AP1AR: variants seen among roughly 807,000 people sequenced by gnomAD.
The protein encoded by AP1AR is AP-1 complex-associated regulatory protein.
Under a neutral mutation model 46.3 loss-of-function variants are expected in AP1AR, and 29 were observed. The observed-to-expected ratio is 0.63, with a 90% CI of 0.47 to 0.85. AP1AR has a LOEUF of 0.85. Ranked by LOEUF, AP1AR falls within the 40% of genes least tolerant of loss-of-function variation. AP1AR has a pLI of 0.00. For synonymous variants in AP1AR, 122 were observed against 122.9 expected, an observed-to-expected ratio of 0.99 and a Z score of 0.05; for missense variants, 357 against 356.3, an observed-to-expected ratio of 1.00 and a Z score of -0.02.
intron 1 of AP1AR, among the ~76,000 whole-genome samples, chr4:112,233,407 A>G (rs1051280700): frequency 1.3e-5 from 2 of 152,270 alleles, no homozygotes; most frequent in East Asian, 1.9e-4. Context: ...TGAGTGGGAC[A>G]TGACAGTTGT....
At chr4:112,260,547 T>C (rs1386399942) in intron 4 of AP1AR, among the ~76,000 whole-genome samples, 1 of 152,244 alleles carries the variant, frequency 6.6e-6, no homozygotes, top group Non-Finnish European at 1.5e-5. Context: ...TTAAAAACTA[T>C]TCTGATATTG....
At chr4:112,266,522 A>C (rs1726714115) in intron 8 of AP1AR, 66 bp from the exon 9 acceptor site, 5 of 1,478,284 alleles carry the variant, frequency 3.4e-6, no homozygotes, top group Non-Finnish European at 4.6e-6. Context: ...ATTGTTACAA[A>C]ATAAAACGGC....
At position 112,231,829 on chromosome 4, in the gene AP1AR, A is replaced by C. The variant is rs957979454; in HGVS notation, c.-263A>C. 1 of 361,046 alleles carries C rather than the reference A, an allele frequency of 2.8e-6. No individual in the cohort carries two copies. Among genetic ancestry groups the C allele is most frequent in the Non-Finnish European group, 4.9e-6 (1 of 202,370 alleles). 22.4% of individuals were successfully genotyped at this position (361,046 alleles called of 1,614,324 possible). On this transcript the variant is annotated 5_prime_UTR_variant, in exon 1 of 10. Transcript: ENST00000274000. ...AGCTGAGGCGAGAAGGGCCATGCGG[A>C]CGGCGAGGGAGTCCAGAGCCTTGAG...
chr4:112,266,464 A>C (rs1726711286), intron 8 of AP1AR, 124 bp from the exon 9 acceptor site: 1 of 981,484 alleles, frequency 1.0e-6, no homozygotes, highest in Non-Finnish European at 1.5e-6. Flanking sequence ...TTCCAGAATT[A>C]TTTCTTATGA....
rs1365433518 is a variant in AP1AR at position 112,270,754 on chromosome 4, C to A, written c.*2345C>A. Among the ~76,000 whole-genome samples the A allele has an allele frequency of 2.0e-5, 3 of 152,090 alleles. No homozygotes were observed. Among genetic ancestry groups the A allele is most frequent in the Non-Finnish European group, 4.4e-5 (3 of 68,018 alleles). On this transcript the variant is annotated 3_prime_UTR_variant, in exon 10 of 10. Transcript: ENST00000274000. The stretch of plus-strand genomic sequence containing the variant: ...GGGGGAAGAGTGGTATGAGATGATA[C>A]TGGAGTGGTAGTTAAGGGCCAGATG...
Position 112,253,268 on chromosome 4 carries a change from T to C in AP1AR, c.132+12T>C. On this transcript the variant is annotated intron_variant, in intron 2 of 9. Transcript: ENST00000274000. ...ACTTAACAATAGAGGTAAGTAGTCC[T>C]TAATTTGATTGAATTAAAAATGCCT... 1 of 1,603,298 alleles carries C rather than the reference T, an allele frequency of 6.2e-7. No homozygotes were observed. The highest frequency in any genetic ancestry group is 8.5e-7 in the Non-Finnish European group (1 of 1,173,350).
At chr4:112,245,326 A>G (rs571485231) in intron 1 of AP1AR, among the ~76,000 whole-genome samples, 9 of 152,314 alleles carry the variant, frequency 5.9e-5, no homozygotes, top group African/African-American at 1.4e-4. Context: ...ATTCCAGGCT[A>G]CACATATTAT....
intron 2 of AP1AR, 44 bp from the exon 3 acceptor site, chr4:112,254,702 CT>C: frequency 7.6e-7 from 1 of 1,318,910 alleles, no homozygotes; most frequent in Non-Finnish European, 1.1e-6. Flanking sequence ...AGATGTATAC[CT>C]AAGACAAATA....
intron 1 of AP1AR, among the ~76,000 whole-genome samples, chr4:112,238,193 T>A (rs1427976523): frequency 6.6e-6 from 1 of 152,258 alleles, no homozygotes; most frequent in Non-Finnish European, 1.5e-5. Flanking sequence ...AAGGACTGTG[T>A]TTTATCACTC....
rs142864717 is a variant in AP1AR at position 112,247,935 on chromosome 4, A to G, written c.84-5273A>G. Among the ~76,000 whole-genome samples the G allele has an allele frequency of 1.4e-3, 218 of 152,344 alleles. 2 individuals are homozygous for G. Among genetic ancestry groups the G allele is most frequent in the African/African-American group, 5.0e-3 (209 of 41,580 alleles). On this transcript the variant is annotated intron_variant, in intron 1 of 9. Transcript: ENST00000274000. The stretch of plus-strand genomic sequence containing the variant: ...ATGATGGGTGGATTAGGCTGACATA[A>G]ATATCCTAACTTACAGATCATCAGT...
chr4:112,250,702 A>C (rs939050022), intron 1 of AP1AR, among the ~76,000 whole-genome samples: 3 of 152,252 alleles, frequency 2.0e-5, no homozygotes, highest in Non-Finnish European at 2.9e-5. Context: ...TTACTTTATC[A>C]GTATAATCTT....
At chr4:112,256,655 C>G (rs989745634) in intron 3 of AP1AR, among the ~76,000 whole-genome samples, 1 of 152,026 alleles carries the variant, frequency 6.6e-6, no homozygotes, top group African/African-American at 2.4e-5. Flanking sequence ...AATTTTATTC[C>G]TGCTATTATA....
In AP1AR at chr4:112,268,381, A is replaced by G. The variant is rs764503321; in HGVS notation, c.881A>G (p.His294Arg). 1.9e-6 allele frequency: 3 copies of G among 1,606,590 alleles called. No homozygotes were observed. In the African/African-American group the frequency reaches 4.0e-5, roughly 21 times the overall value. Residue 294 changes from histidine (H) to arginine (R), a missense_variant, in exon 10 of 10, where the codon CAT (histidine) becomes CGT (arginine). By Grantham distance (29) the His-to-Arg change is conservative. Coordinates refer to ENST00000274000, the MANE Select transcript of AP1AR (RefSeq NM_018569.6). Reference protein sequence around the residue: ...VLELSDSGIRHSDTDQQTR With the variant: ...VLELSDSGIRRSDTDQQTR ...GAACTGTCTGATTCTGGCATAAGGCATTCTGACACAGATCAACAGACTCGA... is the reference window on the plus strand; with the variant it reads ...GAACTGTCTGATTCTGGCATAAGGCGTTCTGACACAGATCAACAGACTCGA...
Position 112,231,993 on chromosome 4 carries a change from C to A in AP1AR, c.-99C>A. 6.0e-6 allele frequency: 7 copies of A among 1,161,002 alleles called. No individual in the cohort carries two copies. Among genetic ancestry groups the A allele is most frequent in the Non-Finnish European group, 7.8e-6 (7 of 894,516 alleles). The allele number at this position is 1,161,002 out of a possible 1,614,324, so 71.9% of individuals were successfully genotyped here. A position where few individuals can be genotyped will look rare whatever the true frequency, so the allele number is the denominator to read the frequency against. ...GGCCGGCCCGCCCTCGGTCCTTGAA[C>A]CCCATTTCGGCTCGTGCCGTGCGGA... On this transcript the variant is annotated 5_prime_UTR_variant, in exon 1 of 10. Coordinates refer to ENST00000274000, the MANE Select transcript of AP1AR (RefSeq NM_018569.6).
At chr4:112,255,298 A>T (rs1333365902) in intron 3 of AP1AR, among the ~76,000 whole-genome samples, 1 of 152,072 alleles carries the variant, frequency 6.6e-6, no homozygotes, top group Non-Finnish European at 1.5e-5. Flanking sequence ...CACTATATAC[A>T]CACACAGGAT....
intron 1 of AP1AR, among the ~76,000 whole-genome samples, chr4:112,250,823 T>C (rs986064948): frequency 2.7e-5 from 4 of 150,192 alleles, no homozygotes; most frequent in African/African-American, 1.0e-4. Context: ...TGCTTTTCTC[T>C]CAAATATATT....
Position 112,269,000 on chromosome 4 carries a change from T to C in AP1AR, c.*591T>C, listed in dbSNP as rs909829001. On this transcript the variant is annotated 3_prime_UTR_variant, in exon 10 of 10. Coordinates refer to ENST00000274000, the MANE Select transcript of AP1AR (RefSeq NM_018569.6). ...TTATTTACATGTCCTAGTATGATAA[T>C]GTTGATTCAATCTGAACAAAAGATA... 2 of 151,768 alleles carry C rather than the reference T, an allele frequency of 1.3e-5. No individual in the cohort carries two copies. Among genetic ancestry groups the C allele is most frequent in the Non-Finnish European group, 3.0e-5 (2 of 67,762 alleles). 9.4% of individuals were successfully genotyped at this position (151,768 alleles called of 1,614,324 possible).
intron 3 of AP1AR, among the ~76,000 whole-genome samples, chr4:112,255,620 CAT>C (rs1371683448): frequency 1.3e-5 from 2 of 152,164 alleles, no homozygotes; most frequent in African/African-American, 2.4e-5. Context: ...AGATTTTCTA[CAT>C]GTTTATTCTA....
intron 1 of AP1AR, among the ~76,000 whole-genome samples, chr4:112,232,817 C>T (rs1397891467): frequency 6.6e-6 from 1 of 152,108 alleles, no homozygotes; most frequent in African/African-American, 2.4e-5. Context: ...AATTCCTTGC[C>T]CTGATTGCTA....
Sources: allele counts gnomAD v4.1 joint callset (sites outside exome capture counted in the v4.1 genomes callset), GRCh38; gene constraint gnomAD v4.1.1; transcripts MANE v1.5; gene names NCBI Gene and HGNC (gene_info 2026-07-23, HGNC 2026-07-21).